DACH1: variants seen among roughly 807,000 people sequenced by gnomAD.
DACH1 encodes the protein dachshund homolog 1.
DACH1 carries 12 observed loss-of-function variants against 54.2 expected under a neutral mutation model. The observed-to-expected ratio is 0.22, with a 90% CI of 0.14 to 0.36. DACH1 has a LOEUF of 0.36. Among genes scored for constraint, DACH1 ranks in the 10% least tolerant of loss-of-function variants. The pLI, the probability that DACH1 is intolerant of heterozygous loss-of-function variation, is 1.00. For synonymous variants in DACH1, 386 were observed against 366.2 expected (o/e 1.05, Z -0.62); for missense variants, 805 against 929.8 (o/e 0.87, Z 1.75).
chr13:71,821,868 C>G (rs538430540), intron 1 of DACH1, among the ~76,000 whole-genome samples: 64 of 152,206 alleles, frequency 4.2e-4, no homozygotes, highest in African/African-American at 1.4e-3. Context: ...CGAGACCATC[C>G]TGGACAACAT....
At chr13:71,854,355 G>A (rs994629171) in intron 1 of DACH1, among the ~76,000 whole-genome samples, 1 of 152,006 alleles carries the variant, frequency 6.6e-6, no homozygotes, top group African/African-American at 2.4e-5. Context: ...TGGATGACAA[G>A]GGTATGTAAG....
intron 2 of DACH1, among the ~76,000 whole-genome samples, chr13:71,674,608 G>GT (rs1880430895): frequency 6.6e-6 from 1 of 151,980 alleles, no homozygotes; most frequent in South Asian, 2.1e-4. Flanking sequence ...TCCAGAGGGG[G>GT]TACCCTGCTG....
chr13:71,552,832 T>TAG (rs1883944393), intron 6 of DACH1, among the ~76,000 whole-genome samples: 3 of 38,822 alleles, frequency 7.7e-5, no homozygotes, highest in Non-Finnish European at 1.4e-4. Context: ...TATATATATA[T>TAG]ATATATATAT....
At chr13:71,720,379 C>T (rs919348649) in intron 1 of DACH1, among the ~76,000 whole-genome samples, 14 of 152,132 alleles carry the variant, frequency 9.2e-5, no homozygotes, top group African/African-American at 3.4e-4. Context: ...TTTTTGCATT[C>T]CCCAAATATA....
chr13:71,456,718 A>G (rs758726634), intron 10 of DACH1, among the ~76,000 whole-genome samples: 1 of 152,074 alleles, frequency 6.6e-6, no homozygotes, highest in Non-Finnish European at 1.5e-5. Context: ...ATTTCTTCTC[A>G]GGAAAACCTA....
At chr13:71,475,348 C>G in intron 9 of DACH1, 139 bp from the exon 10 acceptor site, 1 of 760,946 alleles carries the variant, frequency 1.3e-6, no homozygotes, top group African/African-American at 1.8e-5. Flanking sequence ...TGAACAAAAA[C>G]TGTAACCGTA....
chr13:71,482,116 G>C (rs1023527639), intron 7 of DACH1, among the ~76,000 whole-genome samples: 14 of 152,134 alleles, frequency 9.2e-5, no homozygotes, highest in Admixed American at 1.3e-4. Context: ...GACAATAGTT[G>C]ATTGACCCCA....
chr13:71,813,323 A>T (rs534810268), intron 1 of DACH1, among the ~76,000 whole-genome samples: 9 of 152,278 alleles, frequency 5.9e-5, no homozygotes, highest in African/African-American at 2.2e-4. Flanking sequence ...TATGTTTAGG[A>T]TAAAGAAACC....
chr13:71,519,238 G>T (rs1174118013), intron 6 of DACH1, among the ~76,000 whole-genome samples: 1 of 151,778 alleles, frequency 6.6e-6, no homozygotes, highest in Non-Finnish European at 1.5e-5. Context: ...AATGTATAGT[G>T]TATCACTAAT....
chr13:71,486,856 CT>C lies in DACH1; in HGVS notation c.1722+2140del, dbSNP rs977510550. The stretch of plus-strand genomic sequence containing the variant: ...TCTATCTATCTATCTATCTATCTAT[CT>C]ATCTGAGATGGAGTTTCACTCTTGA... On this transcript the variant is annotated intron_variant, in intron 7 of 10. Coordinates refer to ENST00000613252, the MANE Select transcript of DACH1 (RefSeq NM_080759.6). Among the ~76,000 whole-genome samples, 114 of 141,656 alleles carry C rather than the reference CT, an allele frequency of 8.0e-4. 1 individual carries two copies. The highest frequency in any genetic ancestry group is 2.4e-3 in the African/African-American group (92 of 38,412). The allele number at this position is 141,656 out of a possible 152,430, so 92.9% of individuals were successfully genotyped here. A position where few individuals can be genotyped will look rare whatever the true frequency, so the allele number is the denominator to read the frequency against.
At chr13:71,696,946 T>G (rs1594108265) in intron 1 of DACH1, among the ~76,000 whole-genome samples, 1 of 152,304 alleles carries the variant, frequency 6.6e-6, no homozygotes, top group East Asian at 1.9e-4. Flanking sequence ...AATGTTCCTG[T>G]CTCCACTTGC....
At chr13:71,594,384 A>T (rs1873944185) in intron 3 of DACH1, among the ~76,000 whole-genome samples, 1 of 152,048 alleles carries the variant, frequency 6.6e-6, no homozygotes, top group Admixed American at 6.6e-5. Context: ...GAGAGATATA[A>T]CTACCTACTA....
chr13:71,755,280 A>ATT (rs2137989988), intron 1 of DACH1, among the ~76,000 whole-genome samples: 1 of 152,344 alleles, frequency 6.6e-6, no homozygotes, highest in East Asian at 1.9e-4. Flanking sequence ...TATTTTGGAT[A>ATT]TTAAAGCTGC....
At chr13:71,671,091 T>A (rs1880179045) in intron 2 of DACH1, among the ~76,000 whole-genome samples, 1 of 152,014 alleles carries the variant, frequency 6.6e-6, no homozygotes, top group Admixed American at 6.6e-5. Flanking sequence ...TTTCTGATGA[T>A]GTTTACTGTT....
chr13:71,518,891 AAAAAT>A lies in DACH1; in HGVS notation c.1571-29748_1571-29744del, dbSNP rs1369872316. On this transcript the variant is annotated intron_variant, in intron 6 of 10. Coordinates refer to ENST00000613252, the MANE Select transcript of DACH1 (RefSeq NM_080759.6). ...GTTTCTGCATTTTGAAATGTTTGAA[AAAAAT>A]AAAATAAAAAGAAGAATATTTGGTG... Among the ~76,000 whole-genome samples the A allele has an allele frequency of 2.2e-3, 335 of 152,010 alleles. 1 individual carries two copies. The highest frequency in any genetic ancestry group is 7.9e-3 in the African/African-American group (329 of 41,526).
chr13:71,771,461 G>T (rs2138036531), intron 1 of DACH1, among the ~76,000 whole-genome samples: 1 of 151,604 alleles, frequency 6.6e-6, no homozygotes, highest in East Asian at 1.9e-4. Flanking sequence ...ATGCAAATCA[G>T]TATGTCAATT....
intron 1 of DACH1, among the ~76,000 whole-genome samples, chr13:71,714,798 A>T (rs1241718463): frequency 6.6e-6 from 1 of 152,092 alleles, no homozygotes; most frequent in East Asian, 1.9e-4. Flanking sequence ...AGATTTTTTA[A>T]AAATGTATTT....
At chr13:71,765,702 T>C (rs184631489) in intron 1 of DACH1, among the ~76,000 whole-genome samples, 1 of 152,232 alleles carries the variant, frequency 6.6e-6, no homozygotes, top group Non-Finnish European at 1.5e-5. Context: ...CATACACTAT[T>C]TTATTTACTC....
intron 1 of DACH1, among the ~76,000 whole-genome samples, chr13:71,798,110 G>GAAA (rs1887131912): frequency 6.6e-6 from 1 of 151,698 alleles, no homozygotes; most frequent in African/African-American, 2.4e-5. Context: ...AATAAAAATA[G>GAAA]GTATAGAAAA....
Sources: allele counts gnomAD v4.1 joint callset (sites outside exome capture counted in the v4.1 genomes callset), GRCh38; gene constraint gnomAD v4.1.1; transcripts MANE v1.5; gene names NCBI Gene and HGNC (gene_info 2026-07-23, HGNC 2026-07-21).